The following WDFY3 variants were observed in gnomAD, a reference collection of about 807,000 sequenced individuals.
WDFY3 encodes WD repeat and FYVE domain-containing protein 3.
WDFY3 carries 66 observed loss-of-function variants against 409.6 expected under a neutral mutation model. The ratio of observed to expected loss-of-function variants is 0.16; its 90% CI spans 0.13 to 0.20. WDFY3 has a LOEUF of 0.20. Among genes scored for constraint, WDFY3 ranks in the 10% least tolerant of loss-of-function variants. The pLI, the probability that WDFY3 is intolerant of heterozygous loss-of-function variation, is 1.00. For missense variants in WDFY3, 3,031 were observed against 4,298.1 expected (o/e 0.71, Z 8.24); for synonymous variants, 1,521 against 1,537.1 (o/e 0.99, Z 0.25).
At chr4:84,833,993 C>T (rs1400801056) in intron 7 of WDFY3, among the ~76,000 whole-genome samples, 1 of 152,130 alleles carries the variant, frequency 6.6e-6, no homozygotes, top group Non-Finnish European at 1.5e-5. Context: ...TACCAAATGT[C>T]CATTAATATG....
At position 84,753,830 on chromosome 4, in the gene WDFY3, A is replaced by G; in HGVS notation, c.5606T>C (p.Val1869Ala). Reference protein sequence around the residue: ...EEGSWLREYPVTLMQFFRYLY... With the variant: ...EEGSWLREYPATLMQFFRYLY... ...ATATCTGAAGAACTGCATCAGGGTC[A>G]CAGGATATTCTCGGAGCCAAGATCC... The change falls in exon 35 of 68, where the codon GTG becomes GCG. Residue 1869 changes from valine to alanine, a missense_variant. Physicochemically the swap from Val to Ala is moderately conservative, Grantham distance 64 (BLOSUM62 0). Transcript: ENST00000295888. 1 of 1,608,842 alleles carries G rather than the reference A, an allele frequency of 6.2e-7. No homozygotes were observed. The highest frequency in any genetic ancestry group is 8.5e-7 in the Non-Finnish European group (1 of 1,178,064).
intron 57 of WDFY3, 89 bp from the exon 58 acceptor site, chr4:84,696,271 C>A (rs1449005625): frequency 1.7e-6 from 2 of 1,161,318 alleles, no homozygotes; most frequent in Admixed American, 2.3e-5. Context: ...TTAATAGGAA[C>A]TAAAATAACT....
intron 3 of WDFY3, among the ~76,000 whole-genome samples, chr4:84,890,648 G>A (rs1426847363): frequency 1.3e-5 from 2 of 152,128 alleles, no homozygotes; most frequent in Non-Finnish European, 2.9e-5. Context: ...TTCTAGAGCC[G>A]GGGTTGAGAA....
intron 45 of WDFY3, among the ~76,000 whole-genome samples, chr4:84,725,667 C>A (rs1223281000): frequency 6.6e-6 from 1 of 152,098 alleles, no homozygotes; most frequent in Non-Finnish European, 1.5e-5. Flanking sequence ...TTCCTATAAA[C>A]AAGAATATAT....
intron 36 of WDFY3, among the ~76,000 whole-genome samples, chr4:84,746,843 A>ATAAGT (rs112238593): frequency 0.44 from 67,315 of 151,452 alleles, 15,495 homozygotes; most frequent in African/African-American, 0.55. Flanking sequence ...CATTTTAGAA[A>ATAAGT]TAATTGAGGC....
At chr4:84,705,284 G>T in intron 54 of WDFY3, 110 bp downstream of exon 54, 1 of 799,348 alleles carries the variant, frequency 1.3e-6, no homozygotes, top group Non-Finnish European at 2.1e-6. Context: ...AATACATATA[G>T]ATATGATATA....
chr4:84,930,811 T>TGC, intron 2 of WDFY3, among the ~76,000 whole-genome samples: 1 of 152,194 alleles, frequency 6.6e-6, no homozygotes, highest in Admixed American at 6.5e-5. Context: ...TCCTTTTTAA[T>TGC]TCTGGGTAAC....
At chr4:84,922,163 T>C (rs1769376505) in intron 2 of WDFY3, among the ~76,000 whole-genome samples, 1 of 152,124 alleles carries the variant, frequency 6.6e-6, no homozygotes, top group African/African-American at 2.4e-5. Flanking sequence ...TAAGTAACTT[T>C]TATGTTGAAT....
intron 5 of WDFY3, among the ~76,000 whole-genome samples, chr4:84,847,798 A>T (rs1445983312): frequency 6.7e-6 from 1 of 149,302 alleles, no homozygotes; most frequent in African/African-American, 2.4e-5. Flanking sequence ...ACCAAAAAAA[A>T]AAACAAAAAA....
chr4:84,745,587 T>C (rs560832274), intron 36 of WDFY3, among the ~76,000 whole-genome samples: 1 of 152,176 alleles, frequency 6.6e-6, no homozygotes, highest in Non-Finnish European at 1.5e-5. Context: ...GTAAGGAAAA[T>C]TGCTCTTTCT....
intron 21 of WDFY3, among the ~76,000 whole-genome samples, chr4:84,791,328 T>C (rs375527214): frequency 6.6e-6 from 1 of 152,132 alleles, no homozygotes; most frequent in East Asian, 1.9e-4. Context: ...TGACTCCACT[T>C]ATATGAGGTA....
chr4:84,751,343 C>T, intron 36 of WDFY3, 140 bp downstream of exon 36: 1 of 877,228 alleles, frequency 1.1e-6, no homozygotes, highest in Non-Finnish European at 1.8e-6. Context: ...GGATTAAGAA[C>T]TTTCCACAGC....
intron 21 of WDFY3, 63 bp from the exon 22 acceptor site, chr4:84,789,970 T>C: frequency 2.6e-6 from 4 of 1,513,250 alleles, no homozygotes; most frequent in Non-Finnish European, 3.6e-6. Context: ...AAATTATTCA[T>C]ATCTAGATCA....
Position 84,794,979 on chromosome 4 carries a change from T to C in WDFY3, c.3168A>G (p.Gly1056=). The change falls in exon 20 of 68, where the codon GGA becomes GGG. Residue 1056 remains glycine, a splice_region_variant and synonymous_variant. Transcript: ENST00000295888. ...VEFDTSLEGF[G]CLFLPSLAPH... is the part of the protein sequence containing the mutation. ...GGGCCAAACTGGGCAAAAAAAGACA[T>C]CTATTAAAGAAAAGACAACATACAT... is the stretch of plus-strand genomic sequence containing the variant. 6.5e-7 allele frequency: 1 copy of C among 1,543,590 alleles called. No homozygotes were observed. Among genetic ancestry groups the C allele is most frequent in the Non-Finnish European group, 8.7e-7 (1 of 1,151,548 alleles).
chr4:84,964,634 T>C (rs557543134), intron 1 of WDFY3, among the ~76,000 whole-genome samples: 4 of 152,344 alleles, frequency 2.6e-5, no homozygotes, highest in South Asian at 2.1e-4. Flanking sequence ...GAGTAGAACA[T>C]TGTATTTTCT....
chr4:84,690,704 G>A (rs746835220), intron 60 of WDFY3, 40 bp from the exon 61 acceptor site: 106 of 1,560,134 alleles, frequency 6.8e-5, no homozygotes, highest in Non-Finnish European at 9.0e-5. Flanking sequence ...ATGCCGTTAA[G>A]TACTATACAA....
At chr4:84,738,802 C>T (rs1180029553) in intron 40 of WDFY3, among the ~76,000 whole-genome samples, 1 of 152,194 alleles carries the variant, frequency 6.6e-6, no homozygotes, top group Non-Finnish European at 1.5e-5. Flanking sequence ...CCAAATCTCA[C>T]AGTGTTACTA....
At chr4:84,909,075 C>T (rs1034314501) in intron 2 of WDFY3, among the ~76,000 whole-genome samples, 5 of 151,784 alleles carry the variant, frequency 3.3e-5, no homozygotes, top group Admixed American at 6.6e-5. Context: ...TATTTACTGA[C>T]GGAATTTGTT....
intron 4 of WDFY3, among the ~76,000 whole-genome samples, chr4:84,853,594 C>T (rs1340216224): frequency 6.6e-6 from 1 of 152,172 alleles, no homozygotes; most frequent in South Asian, 2.1e-4. Context: ...ATTAGGACAA[C>T]TAAACAGAAC....
Sources: gnomAD v4.1 joint callset for allele counts (sites outside exome capture counted in the v4.1 genomes callset) on GRCh38, gnomAD v4.1.1 for gene constraint, MANE v1.5 for transcripts, NCBI Gene and HGNC (gene_info 2026-07-23, HGNC 2026-07-21) for gene names.